Variants in KANK1 observed in about 807,000 individuals in gnomAD.
KANK1 encodes KN motif and ankyrin repeat domains 1.
A neutral mutation model predicts 106.2 loss-of-function variants in KANK1; 109 were observed. The observed-to-expected ratio is 1.03, with a 90% confidence interval of 0.88 to 1.20. The LOEUF (loss-of-function observed/expected upper bound fraction) is 1.20. Among genes scored for constraint, KANK1 ranks in the 50% most tolerant of loss-of-function variants. KANK1 has a pLI of 0.00. For missense variants in KANK1, 2,399 were observed against 1,710.7 expected, an observed-to-expected ratio of 1.40 and a Z score of -7.10; for synonymous variants, 873 against 652.2, an observed-to-expected ratio of 1.34 and a Z score of -5.16.
intron 1 of KANK1, among the ~76,000 whole-genome samples, chr9:566,541 A>C (rs1056027151): frequency 6.6e-6 from 1 of 152,152 alleles, no homozygotes; most frequent in African/African-American, 2.4e-5. Context: ...ATTTCTTGAT[A>C]ATAGCCATTC....
At chr9:482,171 G>C (rs1285105651) in intron 3 of KANK1, among the ~76,000 whole-genome samples, 1 of 152,130 alleles carries the variant, frequency 6.6e-6, no homozygotes, top group Non-Finnish European at 1.5e-5. Context: ...ACATATCCCA[G>C]CCTCACCGCC....
chr9:620,445 C>G (rs1401120960), intron 1 of KANK1, among the ~76,000 whole-genome samples: 1 of 151,926 alleles, frequency 6.6e-6, no homozygotes, highest in African/African-American at 2.4e-5. Context: ...GTCACCCGGG[C>G]TGGAGAACAA....
At chr9:739,621 G>A (rs1262389453) in intron 8 of KANK1, among the ~76,000 whole-genome samples, 4 of 152,194 alleles carry the variant, frequency 2.6e-5, no homozygotes, top group Non-Finnish European at 5.9e-5. Context: ...AACAGAAGTA[G>A]ATAATATCCA....
chr9:632,775 C>T (rs1344577981), intron 1 of KANK1, among the ~76,000 whole-genome samples: 2 of 150,310 alleles, frequency 1.3e-5, no homozygotes, highest in South Asian at 2.1e-4. Context: ...CTGCAGCCTA[C>T]ACCTCCTGGG....
intron 3 of KANK1, among the ~76,000 whole-genome samples, chr9:714,383 A>G (rs1016284795): frequency 7.7e-6 from 1 of 129,034 alleles, no homozygotes; most frequent in Non-Finnish European, 1.6e-5. Flanking sequence ...TTTTTTTGAG[A>G]CAGAGTCGCT....
At chr9:508,793 G>A (rs910225805) in intron 1 of KANK1, among the ~76,000 whole-genome samples, 2 of 152,128 alleles carry the variant, frequency 1.3e-5, no homozygotes, top group African/African-American at 4.8e-5. Context: ...TTTTAGGTTT[G>A]AGGGGCATTT....
chr9:635,423 T>A (rs887440269), intron 1 of KANK1, among the ~76,000 whole-genome samples: 2 of 152,192 alleles, frequency 1.3e-5, no homozygotes, highest in African/African-American at 4.8e-5. Context: ...TTCCTTCATG[T>A]GCTTCGTAGA....
chr9:695,397 C>A (rs1397541345), intron 2 of KANK1, among the ~76,000 whole-genome samples: 1 of 152,114 alleles, frequency 6.6e-6, no homozygotes, highest in African/African-American at 2.4e-5. Flanking sequence ...GCTTTTATTT[C>A]CTTCCTGTGC....
intron 2 of KANK1, among the ~76,000 whole-genome samples, chr9:701,367 G>A (rs1373435022): frequency 1.3e-5 from 2 of 152,214 alleles, no homozygotes; most frequent in African/African-American, 4.8e-5. Flanking sequence ...GCCTCCCAAA[G>A]TGCTGGGATT....
At chr9:635,453 T>C (rs897557835) in intron 1 of KANK1, among the ~76,000 whole-genome samples, 16 of 152,166 alleles carry the variant, frequency 1.1e-4, no homozygotes, top group Admixed American at 2.6e-4. Context: ...ACCCTGACTT[T>C]ATTTGTGCAA....
intron 2 of KANK1, among the ~76,000 whole-genome samples, chr9:684,750 T>G (rs914745324): frequency 6.6e-6 from 1 of 152,160 alleles, no homozygotes; most frequent in African/African-American, 2.4e-5. Context: ...TGAGAAAGGT[T>G]TGTATGGGCT....
chr9:622,583 A>G (rs1295679413), intron 1 of KANK1, among the ~76,000 whole-genome samples: 1 of 152,198 alleles, frequency 6.6e-6, no homozygotes, highest in Non-Finnish European at 1.5e-5. Flanking sequence ...CACCATATAC[A>G]AAAATCAACT....
chr9:476,644 C>T (rs2058109638), intron 3 of KANK1: 1 of 152,208 alleles, frequency 6.6e-6, no homozygotes, highest in Non-Finnish European at 1.5e-5. Context: ...ACCGTCTTTC[C>T]TGCCCAGCTG....
At chr9:473,932 T>C (rs2058062718) in intron 3 of KANK1, among the ~76,000 whole-genome samples, 2 of 151,780 alleles carry the variant, frequency 1.3e-5, no homozygotes, top group African/African-American at 4.9e-5. Flanking sequence ...TCTCTTGACC[T>C]TGTGATCTGC....
intron 3 of KANK1, among the ~76,000 whole-genome samples, chr9:729,616 G>A (rs1210759407): frequency 6.6e-6 from 1 of 152,212 alleles, no homozygotes; most frequent in Non-Finnish European, 1.5e-5. Context: ...GGATAGTTTA[G>A]AATCTCTGGC....
intron 1 of KANK1, among the ~76,000 whole-genome samples, chr9:522,282 C>T (rs1170740203): frequency 6.6e-6 from 1 of 151,566 alleles, no homozygotes; most frequent in Admixed American, 6.6e-5. Flanking sequence ...TTGAAAGATG[C>T]CGCAAGTGTT....
intron 1 of KANK1, among the ~76,000 whole-genome samples, chr9:562,286 T>C (rs1361233606): frequency 6.6e-6 from 1 of 151,326 alleles, no homozygotes; most frequent in East Asian, 1.9e-4. Flanking sequence ...TCTCCTGACC[T>C]CATGATCCAC....
At chr9:670,003 T>G (rs568532303) in intron 1 of KANK1, among the ~76,000 whole-genome samples, 6 of 152,314 alleles carry the variant, frequency 3.9e-5, no homozygotes, top group Non-Finnish European at 7.3e-5. Context: ...GCTTGATGCA[T>G]TCTGCTGTTG....
At chr9:695,258 A>G (rs1157788151) in intron 2 of KANK1, among the ~76,000 whole-genome samples, 1 of 152,154 alleles carries the variant, frequency 6.6e-6, no homozygotes, top group Non-Finnish European at 1.5e-5. Context: ...TGCCCTGAGG[A>G]CTTCGGGAGA....
Sources: allele counts gnomAD v4.1 joint callset (sites outside exome capture counted in the v4.1 genomes callset), GRCh38; gene constraint gnomAD v4.1.1; transcripts MANE v1.5; gene names NCBI Gene and HGNC (gene_info 2026-07-23, HGNC 2026-07-21).